The following CSMD1 variants were observed in gnomAD, a reference collection of about 807,000 sequenced individuals.
The protein encoded by CSMD1 is CUB and Sushi multiple domains 1.
Under a neutral mutation model 417.5 loss-of-function variants are expected in CSMD1, and 213 were observed. That is an observed-to-expected ratio of 0.51 (90% CI 0.46 to 0.57). The LOEUF (loss-of-function observed/expected upper bound fraction) is 0.57, where lower values mean the gene tolerates loss of function less well. Among genes scored for constraint, CSMD1 ranks in the 20% least tolerant of loss-of-function variants. The pLI, the probability that CSMD1 is intolerant of heterozygous loss-of-function variation, is 0.00. For synonymous variants in CSMD1, 2,862 were observed against 1,736.8 expected (o/e 1.65, Z -16.11); for missense variants, 6,923 against 4,529.7 (o/e 1.53, Z -15.17).
intron 39 of CSMD1, 49 bp downstream of exon 39, chr8:3,157,848 T>A (rs549999036): frequency 5.5e-6 from 8 of 1,446,014 alleles, no homozygotes; most frequent in Non-Finnish European, 7.6e-6. Flanking sequence ...GCAGGCATGT[T>A]CTTCCCAGTG....
Position 4,637,379 on chromosome 8 carries a change from A to C in CSMD1, c.265T>G (p.Tyr89Asp). ...TTCCCTTGTTGAGGCTGTCCATCGT[A>C]AACTGATAAAATATCAAAATCTTCT... ...LEEDFDILSV[Y>D]DGQPQQGNLK... Residue 89 changes from tyrosine to aspartate, a missense_variant, in exon 2 of 70, where the codon TAC (tyrosine) becomes GAC (aspartate). Transcript: ENST00000635120. 1 of 1,614,020 alleles carries C rather than the reference A, an allele frequency of 6.2e-7. No individual in the cohort carries two copies. The highest frequency in any genetic ancestry group is 1.1e-5 in the South Asian group (1 of 91,088).
chr8:4,176,158 T>G (rs1350318380), intron 3 of CSMD1, among the ~76,000 whole-genome samples: 1 of 152,048 alleles, frequency 6.6e-6, no homozygotes, highest in African/African-American at 2.4e-5. Context: ...GAAAAGAGAC[T>G]CTATGTCTTG....
chr8:4,319,728 A>G (rs1397899414), intron 3 of CSMD1, among the ~76,000 whole-genome samples: 3 of 152,082 alleles, frequency 2.0e-5, no homozygotes, highest in Non-Finnish European at 4.4e-5. Context: ...AGGAAAAAGA[A>G]CTGAGACTTG....
intron 20 of CSMD1, among the ~76,000 whole-genome samples, chr8:3,365,319 G>T (rs1179748339): frequency 6.6e-6 from 1 of 152,126 alleles, no homozygotes; most frequent in Non-Finnish European, 1.5e-5. Context: ...AAGATAAATG[G>T]CAACTAGGTA....
chr8:4,189,923 A>ATTT, intron 3 of CSMD1, among the ~76,000 whole-genome samples: 1 of 150,042 alleles, frequency 6.7e-6, no homozygotes, highest in African/African-American at 2.4e-5. Context: ...TCTTTTGCAT[A>ATTT]TTTTTTTTTT....
intron 3 of CSMD1, among the ~76,000 whole-genome samples, chr8:4,190,153 G>C (rs1334330876): frequency 6.6e-6 from 1 of 151,256 alleles, no homozygotes; most frequent in African/African-American, 2.4e-5. Flanking sequence ...CAGCTACTCA[G>C]GAGGCTGAGG....
At chr8:3,189,623 T>C (rs1028154630) in intron 34 of CSMD1, among the ~76,000 whole-genome samples, 3 of 152,164 alleles carry the variant, frequency 2.0e-5, no homozygotes, top group Admixed American at 2.0e-4. Flanking sequence ...AATGGTTTTT[T>C]CCCAAAATGA....
intron 3 of CSMD1, among the ~76,000 whole-genome samples, chr8:4,226,887 T>C (rs1022465558): frequency 6.6e-6 from 1 of 152,216 alleles, no homozygotes. Context: ...AAATACATAT[T>C]TGAACGTAAA....
At chr8:3,051,859 CTAT>C (rs1397521177) in intron 50 of CSMD1, among the ~76,000 whole-genome samples, 1 of 152,088 alleles carries the variant, frequency 6.6e-6, no homozygotes, top group African/African-American at 2.4e-5. Flanking sequence ...GCATAACAGA[CTAT>C]TATTCCATAA....
In CSMD1 at chr8:4,603,227, C is replaced by A. The variant is rs562171554; in HGVS notation, c.302+34115G>T. On this transcript the variant is annotated intron_variant, in intron 2 of 69. Transcript: ENST00000635120. The stretch of plus-strand genomic sequence containing the variant: ...CACACCAAAGCAATAGAAGAAAATT[C>A]TCTTTTCTTGAACCATGACCTGCTG... Among the ~76,000 whole-genome samples, 9 of 152,106 alleles carry A rather than the reference C, an allele frequency of 5.9e-5. No homozygotes were observed. The South Asian group carries it at 1.7e-3, about 28-fold the overall frequency.
chr8:4,877,284 T>C (rs144601130), intron 1 of CSMD1, among the ~76,000 whole-genome samples: 137 of 152,178 alleles, frequency 9.0e-4, no homozygotes, highest in Non-Finnish European at 1.6e-3. Context: ...TTTTGACTAT[T>C]ACAGGAAATA....
At chr8:3,957,478 G>C (rs1011781154) in intron 5 of CSMD1, among the ~76,000 whole-genome samples, 3 of 152,000 alleles carry the variant, frequency 2.0e-5, no homozygotes, top group South Asian at 2.1e-4. Context: ...AGGAGTATTG[G>C]ACCATGTGGG....
At chr8:4,181,589 G>A (rs957474440) in intron 3 of CSMD1, among the ~76,000 whole-genome samples, 3 of 152,104 alleles carry the variant, frequency 2.0e-5, no homozygotes, top group East Asian at 1.9e-4. Context: ...CCACAGGATG[G>A]AAAAGCTTGC....
At chr8:4,937,620 G>A (rs1159504127) in intron 1 of CSMD1, among the ~76,000 whole-genome samples, 1 of 152,210 alleles carries the variant, frequency 6.6e-6, no homozygotes, top group South Asian at 2.1e-4. Context: ...CAGTGTCAGA[G>A]TATCTGACGG....
At chr8:4,314,704 G>C (rs555170052) in intron 3 of CSMD1, among the ~76,000 whole-genome samples, 82 of 152,160 alleles carry the variant, frequency 5.4e-4, no homozygotes, top group Admixed American at 1.1e-3. Context: ...GTTTTTATGT[G>C]TTCTTACGTA....
intron 5 of CSMD1, among the ~76,000 whole-genome samples, chr8:3,792,005 G>C (rs1248019854): frequency 1.4e-5 from 2 of 141,156 alleles, no homozygotes; most frequent in East Asian, 1.9e-4. Context: ...TAATTCTTTT[G>C]TTTACTTCTA....
chr8:4,892,749 A>C (rs1188349041), intron 1 of CSMD1, among the ~76,000 whole-genome samples: 1 of 151,932 alleles, frequency 6.6e-6, no homozygotes, highest in Non-Finnish European at 1.5e-5. Flanking sequence ...TTTGCATCTC[A>C]TTTTTATTCT....
At chr8:3,134,489 C>G (rs955202741) in intron 41 of CSMD1, among the ~76,000 whole-genome samples, 3 of 152,238 alleles carry the variant, frequency 2.0e-5, no homozygotes, top group Non-Finnish European at 4.4e-5. Context: ...GCAGGCAGAT[C>G]TGTCAGGTGT....
chr8:4,054,598 G>A (rs1001784951), intron 3 of CSMD1, among the ~76,000 whole-genome samples: 1 of 152,084 alleles, frequency 6.6e-6, no homozygotes, highest in Non-Finnish European at 1.5e-5. Flanking sequence ...AATTGTGGAG[G>A]TGTATTTAGC....
Sources: allele counts gnomAD v4.1 joint callset (sites outside exome capture counted in the v4.1 genomes callset), GRCh38; gene constraint gnomAD v4.1.1; transcripts MANE v1.5; gene names NCBI Gene and HGNC (gene_info 2026-07-23, HGNC 2026-07-21).